ABCC11: variants seen among roughly 807,000 people sequenced by gnomAD.
ABCC11 encodes the protein ATP-binding cassette sub-family C member 11.
A neutral mutation model predicts 149.3 loss-of-function variants in ABCC11; 135 were observed. The ratio of observed to expected loss-of-function variants is 0.90; its 90% CI spans 0.79 to 1.04. The LOEUF is 1.04. Ranked by LOEUF, ABCC11 falls within the 50% of genes least tolerant of loss-of-function variation. The pLI, the probability that ABCC11 is intolerant of heterozygous loss-of-function variation, is 0.00. For missense variants in ABCC11, 1,680 were observed against 1,722.1 expected (o/e 0.98, Z 0.43); for synonymous variants, 665 against 671.4 (o/e 0.99, Z 0.15).
intron 20 of ABCC11, among the ~76,000 whole-genome samples, chr16:48,191,432 T>A (rs1254057078): frequency 6.6e-6 from 1 of 151,588 alleles, no homozygotes; most frequent in Non-Finnish European, 1.5e-5. Flanking sequence ...TACTCGGAGG[T>A]TAAGGTAGGG....
chr16:48,177,849 C>T (rs1966187738), intron 24 of ABCC11, among the ~76,000 whole-genome samples: 1 of 152,154 alleles, frequency 6.6e-6, no homozygotes, highest in Non-Finnish European at 1.5e-5. Flanking sequence ...TTGTAGAGGG[C>T]TCTGCCAGCC....
At chr16:48,188,839 A>G (rs1966847277) in intron 20 of ABCC11, among the ~76,000 whole-genome samples, 1 of 152,250 alleles carries the variant, frequency 6.6e-6, no homozygotes, top group Admixed American at 6.5e-5. Context: ...TTCTCAAGCT[A>G]TAATGCAAGA....
intron 14 of ABCC11, among the ~76,000 whole-genome samples, chr16:48,200,717 G>T (rs1213022108): frequency 6.6e-6 from 1 of 152,180 alleles, no homozygotes; most frequent in Non-Finnish European, 1.5e-5. Flanking sequence ...GACACCAGAG[G>T]CTGGAAAGGA....
intron 1 of ABCC11, chr16:48,244,712 T>A (rs1171395805): frequency 2.1e-6 from 2 of 966,096 alleles, no homozygotes; most frequent in African/African-American, 1.7e-5. Flanking sequence ...AGCGCGAGGC[T>A]CAGTTCGGGG....
At position 48,222,693 on chromosome 16, in the gene ABCC11, G is replaced by A; in HGVS notation, c.682C>T (p.Gln228Ter). 1 of 1,614,208 alleles carries A rather than the reference G, an allele frequency of 6.2e-7. No homozygotes were observed. Among genetic ancestry groups the A allele is most frequent in the Non-Finnish European group, 8.5e-7 (1 of 1,180,038 alleles). ...GCTCGGAACCTGATGGCTGTGCGTT[G>A]GTTGATGATCCAACTGGAGGAGAAA... Reference protein sequence around the residue: ...LSFSSSWIINQRTAIRFRAAV... With the variant: ...LSFSSSWIIN The change falls in exon 6 of 30, where the codon CAA becomes TAA. Residue 228 changes from glutamine to a stop codon, truncating the protein, a stop_gained. Coordinates refer to ENST00000356608, the MANE Select transcript of ABCC11 (RefSeq NM_001370497.1). LOFTEE classifies it high-confidence loss of function.
At chr16:48,207,204 G>T (rs1479342447) in intron 12 of ABCC11, among the ~76,000 whole-genome samples, 6 of 152,172 alleles carry the variant, frequency 3.9e-5, no homozygotes, top group Non-Finnish European at 8.8e-5. Context: ...AGAGATGGCA[G>T]CCCAGGAGGG....
chr16:48,167,142 C>A lies in ABCC11; in HGVS notation c.*132G>T. 3 of 560,384 alleles carry A rather than the reference C, an allele frequency of 5.4e-6. No individual in the cohort carries two copies. Among genetic ancestry groups the A allele is most frequent in the South Asian group, 1.7e-5 (1 of 58,132 alleles). The allele number at this position is 560,384 out of a possible 1,614,324, so 34.7% of individuals were successfully genotyped here. A position where few individuals can be genotyped will look rare whatever the true frequency, so the allele number is the denominator to read the frequency against. On this transcript the variant is annotated 3_prime_UTR_variant, in exon 30 of 30. Transcript: ENST00000356608. ...TTTCCATCCAGCAATCCCCACCCCC[C>A]CTACATTTACCCCTGCTTCCAGGAG...
Position 48,166,985 on chromosome 16 carries a change from T to A in ABCC11, c.*289A>T, listed in dbSNP as rs1188535636. 1 of 389,604 alleles carries A rather than the reference T, an allele frequency of 2.6e-6. No individual in the cohort carries two copies. The highest frequency in any genetic ancestry group is 4.7e-6 in the Non-Finnish European group (1 of 213,302). The allele number at this position is 389,604 out of a possible 1,614,324, so 24.1% of individuals were successfully genotyped here. A position where few individuals can be genotyped will look rare whatever the true frequency, so the allele number is the denominator to read the frequency against. ...ACTTCTAACACAGATCAGAAAACTA[T>A]AAGCTTTTACCTTATTATAAAATTA... On this transcript the variant is annotated 3_prime_UTR_variant, in exon 30 of 30. Transcript: ENST00000356608.
intron 13 of ABCC11, among the ~76,000 whole-genome samples, chr16:48,203,827 G>A (rs1476573679): frequency 6.6e-6 from 1 of 152,150 alleles, no homozygotes. Context: ...CCAAGATCAC[G>A]CCATTGTACT....
chr16:48,218,083 G>C lies in ABCC11; in HGVS notation c.778-1796C>G, dbSNP rs2150883438. The stretch of plus-strand genomic sequence containing the variant: ...AGGCTGAGGCAGGATGATTGTTTGA[G>C]GCCAGGAGTTCAAGACCAGCCTGGG... On this transcript the variant is annotated intron_variant, in intron 6 of 29. Coordinates refer to ENST00000356608, the MANE Select transcript of ABCC11 (RefSeq NM_001370497.1). Among the ~76,000 whole-genome samples, 3 of 152,204 alleles carry C rather than the reference G, an allele frequency of 2.0e-5. 1 individual carries two copies. In the Middle Eastern group the frequency reaches 0.01, roughly 518 times the overall value.
chr16:48,234,981 A>G (rs1333713230), intron 1 of ABCC11, among the ~76,000 whole-genome samples: 1 of 152,214 alleles, frequency 6.6e-6, no homozygotes, highest in African/African-American at 2.4e-5. Flanking sequence ...AGTGAGAATT[A>G]TTTGATAAAA....
intron 1 of ABCC11, among the ~76,000 whole-genome samples, chr16:48,233,834 T>A (rs1047405729): frequency 2.0e-5 from 3 of 152,226 alleles, no homozygotes; most frequent in Admixed American, 1.3e-4. Flanking sequence ...CCAATGCTAC[T>A]TGACATTTTG....
chr16:48,231,660 CAAA>C (rs57185310), intron 2 of ABCC11, among the ~76,000 whole-genome samples, 160 bp downstream of exon 2: 42 of 78,010 alleles, frequency 5.4e-4, no homozygotes, highest in East Asian at 1.7e-3. Context: ...GACCCTGAGT[CAAA>C]AAAAAAAAAA....
intron 20 of ABCC11, among the ~76,000 whole-genome samples, chr16:48,189,884 T>C (rs540598961): frequency 6.6e-6 from 1 of 152,302 alleles, no homozygotes; most frequent in East Asian, 1.9e-4. Context: ...CAAGGAACGA[T>C]GGGCCGCTCC....
rs147736856 is a variant in ABCC11 at position 48,196,888 on chromosome 16, T to C, written c.2315-567A>G. On this transcript the variant is annotated intron_variant, in intron 17 of 29. Transcript: ENST00000356608. ...TAACAACAAACATCACGACAGTGAC[T>C]GTCTGCTGCTGCTGCCTGCTATTCT... is the stretch of plus-strand genomic sequence containing the variant. 3.5e-3 allele frequency among the ~76,000 whole-genome samples: 536 copies of C among 152,348 alleles called. 3 individuals carry two copies. The highest frequency in any genetic ancestry group is 0.012 in the African/African-American group (514 of 41,588).
chr16:48,243,076 GA>G (rs200926675), intron 1 of ABCC11, among the ~76,000 whole-genome samples: 1 of 148,294 alleles, frequency 6.7e-6, no homozygotes, highest in Non-Finnish European at 1.5e-5. Flanking sequence ...ATTAAAAACA[GA>G]AAAAAAATAA....
intron 25 of ABCC11, among the ~76,000 whole-genome samples, chr16:48,176,384 G>A (rs1046237225): frequency 1.5e-4 from 23 of 152,096 alleles, no homozygotes; most frequent in Non-Finnish European, 2.9e-4. Flanking sequence ...GACAGGAGAG[G>A]AAGACAGGGA....
chr16:48,233,773 C>T (rs757781392), intron 1 of ABCC11, among the ~76,000 whole-genome samples: 6 of 152,168 alleles, frequency 3.9e-5, no homozygotes, highest in Non-Finnish European at 8.8e-5. Flanking sequence ...TGCTCATAAA[C>T]GTTTATATCT....
intron 23 of ABCC11, among the ~76,000 whole-genome samples, chr16:48,182,203 C>T (rs1966479669): frequency 6.6e-6 from 1 of 152,270 alleles, no homozygotes. Flanking sequence ...CCAGCACACA[C>T]ATGCACTCCA....
Sources: allele counts gnomAD v4.1 joint callset (sites outside exome capture counted in the v4.1 genomes callset), GRCh38; gene constraint gnomAD v4.1.1; transcripts MANE v1.5; gene names NCBI Gene and HGNC (gene_info 2026-07-23, HGNC 2026-07-21).